The following PTPRD variants were observed in gnomAD, a reference collection of about 807,000 sequenced individuals.
The protein encoded by PTPRD is protein tyrosine phosphatase receptor type D.
PTPRD carries 34 observed loss-of-function variants against 214.5 expected under a neutral mutation model. That is an observed-to-expected ratio of 0.16 (90% confidence interval 0.12 to 0.21). The LOEUF (loss-of-function observed/expected upper bound fraction) is 0.21. Among genes scored for constraint, PTPRD ranks in the 10% least tolerant of loss-of-function variants. PTPRD has a pLI of 1.00. For missense variants in PTPRD, 2,545 were observed against 2,398.7 expected (o/e 1.06, Z -1.27); for synonymous variants, 1,128 against 845.7 (o/e 1.33, Z -5.79).
At chr9:9,973,301 CAAAAAA>C (rs747369676) in intron 4 of PTPRD, among the ~76,000 whole-genome samples, 4 of 74,202 alleles carry the variant, frequency 5.4e-5, no homozygotes, top group African/African-American at 8.8e-5. Flanking sequence ...CCTTGTCTTT[CAAAAAA>C]AAAAAAAAAA....
intron 11 of PTPRD, among the ~76,000 whole-genome samples, chr9:9,018,267 G>C (rs2099544728): frequency 6.6e-6 from 1 of 152,004 alleles, no homozygotes; most frequent in East Asian, 1.9e-4. Context: ...TGGAGTTTGG[G>C]GAAATGAATC....
chr9:9,293,822 G>A (rs1952054678), intron 9 of PTPRD, among the ~76,000 whole-genome samples: 1 of 151,488 alleles, frequency 6.6e-6, no homozygotes, highest in Admixed American at 6.6e-5. Context: ...GCAGTTTGAG[G>A]TACAACAGTA....
intron 32 of PTPRD, among the ~76,000 whole-genome samples, chr9:8,464,779 A>G (rs1299326378): frequency 2.0e-5 from 3 of 151,748 alleles, no homozygotes; most frequent in African/African-American, 4.8e-5. Flanking sequence ...GATGGATTAC[A>G]TAAAAGAAGA....
chr9:10,431,575 A>G (rs982449084), intron 2 of PTPRD, among the ~76,000 whole-genome samples: 50 of 151,854 alleles, frequency 3.3e-4, no homozygotes, highest in African/African-American at 1.1e-3. Flanking sequence ...CAATGAACTC[A>G]AACAAATTTA....
At chr9:8,755,800 C>A (rs148911717) in intron 11 of PTPRD, among the ~76,000 whole-genome samples, 27 of 152,202 alleles carry the variant, frequency 1.8e-4, no homozygotes, top group African/African-American at 6.0e-4. Flanking sequence ...GAATTGAACT[C>A]AAATTGTCTT....
rs189821866 is a variant in PTPRD at position 9,321,333 on chromosome 9, A to G, written c.-203+76116T>C. Among the ~76,000 whole-genome samples the G allele has an allele frequency of 4.1e-3, 631 of 152,254 alleles. 20 individuals are homozygous for G. The highest frequency in any genetic ancestry group is 0.037 in the Admixed American group (567 of 15,298). ...CACTTTGGGAGGCCGAGGCGGGTGG[A>G]TCACCTGAGGTCGGGAGTTCACGAC... On this transcript the variant is annotated intron_variant, in intron 9 of 45. Transcript: ENST00000381196.
chr9:9,034,669 A>T (rs1443847636), intron 10 of PTPRD, among the ~76,000 whole-genome samples: 1 of 152,112 alleles, frequency 6.6e-6, no homozygotes, highest in Non-Finnish European at 1.5e-5. Context: ...CTGTGGAGTC[A>T]GATTCACCCG....
chr9:10,466,124 C>T (rs2098991815), intron 2 of PTPRD, among the ~76,000 whole-genome samples: 1 of 152,086 alleles, frequency 6.6e-6, no homozygotes, highest in Non-Finnish European at 1.5e-5. Context: ...ATCTTTTCTT[C>T]ACGGTATTTG....
chr9:8,559,306 C>T (rs61027185), intron 14 of PTPRD, among the ~76,000 whole-genome samples: 31,624 of 151,992 alleles, frequency 0.21, 3,869 homozygotes, highest in African/African-American at 0.35. Flanking sequence ...GATAAATATC[C>T]CAGTTATCCT....
At chr9:8,343,329 G>A (rs1462160501) in intron 39 of PTPRD, among the ~76,000 whole-genome samples, 1 of 151,994 alleles carries the variant, frequency 6.6e-6, no homozygotes, top group Non-Finnish European at 1.5e-5. Context: ...CCTGAATACT[G>A]ATGCCAAGAA....
At chr9:8,681,875 T>C (rs1444579513) in intron 12 of PTPRD, among the ~76,000 whole-genome samples, 1 of 152,172 alleles carries the variant, frequency 6.6e-6, no homozygotes, top group Non-Finnish European at 1.5e-5. Context: ...TATCTACTGT[T>C]TTCATTATTA....
chr9:10,312,694 T>C (rs1425182114), intron 3 of PTPRD, among the ~76,000 whole-genome samples: 1 of 151,740 alleles, frequency 6.6e-6, no homozygotes, highest in Non-Finnish European at 1.5e-5. Flanking sequence ...GACAAACATA[T>C]AAACAGAAAA....
intron 5 of PTPRD, among the ~76,000 whole-genome samples, chr9:9,798,621 A>G (rs1001067977): frequency 2.0e-5 from 3 of 152,170 alleles, no homozygotes; most frequent in African/African-American, 7.2e-5. Flanking sequence ...AAGATGCCAT[A>G]TTTTGGGGTA....
intron 3 of PTPRD, among the ~76,000 whole-genome samples, chr9:10,039,672 TG>T (rs1473260864): frequency 6.6e-6 from 1 of 151,008 alleles, no homozygotes; most frequent in African/African-American, 2.5e-5. Flanking sequence ...TTTTCTTTTC[TG>T]GGGGAAAAAA....
chr9:10,259,196 T>A (rs995690922), intron 3 of PTPRD, among the ~76,000 whole-genome samples: 1 of 151,906 alleles, frequency 6.6e-6, no homozygotes, highest in African/African-American at 2.4e-5. Context: ...CTAATTTTTT[T>A]TGTATTTTTA....
chr9:9,006,771 A>T (rs1268197419), intron 11 of PTPRD, among the ~76,000 whole-genome samples: 2 of 151,980 alleles, frequency 1.3e-5, no homozygotes, highest in South Asian at 2.1e-4. Context: ...AGTTCAAATG[A>T]CTCCACAGAT....
At chr9:9,205,554 A>G (rs2099944311) in intron 9 of PTPRD, among the ~76,000 whole-genome samples, 1 of 152,228 alleles carries the variant, frequency 6.6e-6, no homozygotes, top group Non-Finnish European at 1.5e-5. Context: ...ACAAAGCATC[A>G]TTAAGACAGT....
intron 14 of PTPRD, among the ~76,000 whole-genome samples, chr9:8,573,746 G>A (rs1278635865): frequency 6.6e-6 from 1 of 151,760 alleles, no homozygotes; most frequent in Non-Finnish European, 1.5e-5. Flanking sequence ...AGCATCAGTA[G>A]GAGTATTTAT....
intron 8 of PTPRD, among the ~76,000 whole-genome samples, chr9:9,438,046 A>G (rs539202671): frequency 3.3e-5 from 5 of 152,240 alleles, no homozygotes; most frequent in African/African-American, 1.2e-4. Context: ...GGCTATCTTC[A>G]TGTTCCGATG....
Sources: gnomAD v4.1 joint callset for allele counts (sites outside exome capture counted in the v4.1 genomes callset) on GRCh38, gnomAD v4.1.1 for gene constraint, MANE v1.5 for transcripts, NCBI Gene and HGNC (gene_info 2026-07-23, HGNC 2026-07-21) for gene names.